FAR1: variants seen among roughly 807,000 people sequenced by gnomAD.
FAR1 encodes fatty acyl-CoA reductase 1, also known as male sterility domain-containing protein 2.
In FAR1, 22 loss-of-function variants were observed where a neutral mutation model predicts 61.1. That is an observed-to-expected ratio of 0.36 (90% CI 0.26 to 0.51). The LOEUF (loss-of-function observed/expected upper bound fraction) is 0.51, where lower values mean the gene tolerates loss of function less well. Among genes scored for constraint, FAR1 ranks in the 20% least tolerant of loss-of-function variants. The pLI is 0.95. For synonymous variants in FAR1, 206 were observed against 209.7 expected (o/e 0.98, Z 0.15); for missense variants, 359 against 626.9 (o/e 0.57, Z 4.56).
intron 5 of FAR1, 74 bp from the exon 6 acceptor site, chr11:13,711,690 T>C (rs1848500122): frequency 1.8e-6 from 2 of 1,115,252 alleles, no homozygotes; most frequent in Non-Finnish European, 2.7e-6. Context: ...TTTGGGGTTG[T>C]AGAGTTCAAA....
chr11:13,698,661 T>A (rs1371223909), intron 2 of FAR1, among the ~76,000 whole-genome samples: 1 of 152,044 alleles, frequency 6.6e-6, no homozygotes, highest in African/African-American at 2.4e-5. Flanking sequence ...AAACCCCGTC[T>A]CTACTAAAAA....
chr11:13,701,596 C>T (rs540999916), intron 3 of FAR1, among the ~76,000 whole-genome samples: 11 of 152,016 alleles, frequency 7.2e-5, no homozygotes, highest in African/African-American at 2.7e-4. Flanking sequence ...TGATATTATT[C>T]CCCCTATTGT....
In FAR1 at chr11:13,694,662, G is replaced by C. The variant is rs1327767747; in HGVS notation, c.-7-97G>C. ...TAATGTTCTATTTTGACTTTTGTCT[G>C]CTTTTTAAAATACTTATTTGAATAC... On this transcript the variant is annotated intron_variant, in intron 1 of 11. Coordinates refer to ENST00000354817, the MANE Select transcript of FAR1 (RefSeq NM_032228.6). 9.2e-6 allele frequency: 10 copies of C among 1,086,614 alleles called. No homozygotes were observed. In the Admixed American group the frequency reaches 2.0e-4, roughly 21 times the overall value. 67.3% of individuals were successfully genotyped at this position (1,086,614 alleles called of 1,614,324 possible). A position where few individuals can be genotyped will look rare whatever the true frequency, so the allele number is the denominator to read the frequency against.
chr11:13,678,276 T>C (rs1438219283), intron 1 of FAR1, among the ~76,000 whole-genome samples: 1 of 152,196 alleles, frequency 6.6e-6, no homozygotes, highest in Admixed American at 6.5e-5. Flanking sequence ...ATGTTTTCTT[T>C]TTTTTTGAGA....
At chr11:13,689,319 A>G (rs1285460417) in intron 1 of FAR1, among the ~76,000 whole-genome samples, 2 of 151,978 alleles carry the variant, frequency 1.3e-5, no homozygotes, top group Non-Finnish European at 2.9e-5. Flanking sequence ...CCTTCTGGTC[A>G]CTCCCTCTTC....
intron 9 of FAR1, chr11:13,719,971 T>C (rs1389124619): frequency 6.6e-6 from 1 of 152,238 alleles, no homozygotes; most frequent in East Asian, 1.9e-4. Context: ...ACATCTGTTC[T>C]AAGGTATGTT....
chr11:13,722,514 C>T (rs1848621579), intron 10 of FAR1, among the ~76,000 whole-genome samples: 1 of 151,488 alleles, frequency 6.6e-6, no homozygotes, highest in South Asian at 2.1e-4. Context: ...TCGTTCTGTG[C>T]CCAGGCTGGA....
Position 13,730,849 on chromosome 11 carries a change from C to G in FAR1, c.*2075C>G, listed in dbSNP as rs1848717562. ...TTAGAGTTCTGTTGTCAAAAGAAAA[C>G]TAATGAATAAATTAGTTTGTCATTC... On this transcript the variant is annotated 3_prime_UTR_variant, in exon 12 of 12. Transcript: ENST00000354817. 6.6e-6 allele frequency: 1 copy of G among 152,034 alleles called. No individual in the cohort carries two copies. The highest frequency in any genetic ancestry group is 1.5e-5 in the Non-Finnish European group (1 of 67,974). 9.4% of individuals were successfully genotyped at this position (152,034 alleles called of 1,614,324 possible).
Position 13,700,385 on chromosome 11 carries a change from C to T in FAR1, c.258C>T (p.Leu86=). The T allele has an allele frequency of 1.2e-6, 2 of 1,603,364 alleles. No individual in the cohort carries two copies. Among genetic ancestry groups the T allele is most frequent in the South Asian group, 2.3e-5 (2 of 88,214 alleles). Residue 86 remains leucine, a synonymous_variant, in exon 3 of 12, where the codon CTC becomes CTT. Transcript: ENST00000354817. ...REKIIAINSE[L]TQPKLALSEE... The stretch of plus-strand genomic sequence containing the variant: ...AAATTATAGCAATCAACAGCGAACT[C>T]ACCCAACCTAAACTGGCTCTCAGTG...
At chr11:13,683,685 G>GGTAGGTTTT (rs1848154648) in intron 1 of FAR1, among the ~76,000 whole-genome samples, 1 of 152,010 alleles carries the variant, frequency 6.6e-6, no homozygotes, top group South Asian at 2.1e-4. Context: ...TAGCTTCATT[G>GGTAGGTTTT]GTAGGTTTTG....
At chr11:13,694,193 T>G (rs1202056009) in intron 1 of FAR1, among the ~76,000 whole-genome samples, 1 of 152,240 alleles carries the variant, frequency 6.6e-6, no homozygotes, top group Non-Finnish European at 1.5e-5. Context: ...TATTTCTTAC[T>G]CTAACTTTTT....
At chr11:13,710,932 TAA>T (rs1848491733) in intron 5 of FAR1, 62 bp downstream of exon 5, 1 of 1,415,698 alleles carries the variant, frequency 7.1e-7, no homozygotes, top group African/African-American at 1.5e-5. Context: ...TAACTCTGTA[TAA>T]AAAGAGCTGG....
intron 3 of FAR1, among the ~76,000 whole-genome samples, chr11:13,703,565 T>C (rs1410480195): frequency 6.6e-6 from 1 of 152,198 alleles, no homozygotes; most frequent in Non-Finnish European, 1.5e-5. Context: ...CTAGAGGCGA[T>C]AGGATATGCA....
At chr11:13,674,062 A>C (rs900274822) in intron 1 of FAR1, among the ~76,000 whole-genome samples, 4 of 152,204 alleles carry the variant, frequency 2.6e-5, no homozygotes. Context: ...CTGTAATCCC[A>C]GCACTTTGGG....
At chr11:13,725,355 A>G (rs1028365915) in intron 10 of FAR1, among the ~76,000 whole-genome samples, 65 of 152,110 alleles carry the variant, frequency 4.3e-4, no homozygotes, top group Non-Finnish European at 5.0e-4. Context: ...TTGATTTTCA[A>G]TTTTAGCCAC....
intron 9 of FAR1, among the ~76,000 whole-genome samples, chr11:13,718,184 G>A (rs1460873205): frequency 6.6e-6 from 1 of 152,108 alleles, no homozygotes; most frequent in African/African-American, 2.4e-5. Context: ...GTTCTGGAAG[G>A]CACTGCCTAG....
At chr11:13,704,022 C>T (rs562361796) in intron 3 of FAR1, among the ~76,000 whole-genome samples, 10 of 129,684 alleles carry the variant, frequency 7.7e-5, no homozygotes, top group South Asian at 2.4e-4. Flanking sequence ...CCAGCCTGGG[C>T]GACAAGAGCG....
chr11:13,708,445 G>GCACACACACACACA lies in FAR1; in HGVS notation c.545+367_545+368insACACACACACACAC, dbSNP rs1208535632. ...ACCCCATATACATGTGCGCGCGCGCGCGCACACACACACACACACACACAC... is the reference window on the plus strand; with the variant it reads ...ACCCCATATACATGTGCGCGCGCGCGCACACACACACACACGCACACACACACACACACACACAC... On this transcript the variant is annotated intron_variant, in intron 4 of 11. Transcript: ENST00000354817. Among the ~76,000 whole-genome samples the GCACACACACACACA allele has an allele frequency of 9.9e-5, 8 of 81,194 alleles. 1 individual carries two copies. The highest frequency in any genetic ancestry group is 7.2e-4 in the Admixed American group (5 of 6,906). The allele number at this position is 81,194 out of a possible 152,430, so 53.3% of individuals were successfully genotyped here.
At chr11:13,696,763 A>T (rs1370302394) in intron 2 of FAR1, among the ~76,000 whole-genome samples, 2 of 152,208 alleles carry the variant, frequency 1.3e-5, no homozygotes, top group Non-Finnish European at 2.9e-5. Flanking sequence ...ATTGCTGGTG[A>T]GTCCATAAAA....
Sources: gnomAD v4.1 joint callset for allele counts (sites outside exome capture counted in the v4.1 genomes callset) on GRCh38, gnomAD v4.1.1 for gene constraint, MANE v1.5 for transcripts, NCBI Gene and HGNC (gene_info 2026-07-23, HGNC 2026-07-21) for gene names.